The following RASSF3 variants were observed in gnomAD, a reference collection of about 807,000 sequenced individuals.
RASSF3 encodes ras association domain-containing protein 3.
In RASSF3, 19 loss-of-function variants were observed where a neutral mutation model predicts 19.9. The ratio of observed to expected loss-of-function variants is 0.96; its 90% CI spans 0.67 to 1.40. RASSF3 has a LOEUF of 1.40. Among genes scored for constraint, RASSF3 ranks in the 40% most tolerant of loss-of-function variants. The probability of loss-of-function intolerance (pLI) is 0.00; values close to 1 mark genes in which losing one functional copy is unlikely to be tolerated. For missense variants in RASSF3, 306 were observed against 289.8 expected (o/e 1.06, Z -0.41); for synonymous variants, 110 against 104.2 (o/e 1.06, Z -0.34).
At chr12:64,623,365 C>CT (rs1292466575) in intron 1 of RASSF3, among the ~76,000 whole-genome samples, 1 of 152,136 alleles carries the variant, frequency 6.6e-6, no homozygotes, top group East Asian at 1.9e-4. Context: ...CAGAGGAACT[C>CT]TGAGATGAGA....
chr12:64,524,005 C>T lies in RASSF3; in HGVS notation c.169+16676C>T, dbSNP rs1868531692. Among the ~76,000 whole-genome samples the T allele has an allele frequency of 2.0e-5, 3 of 150,932 alleles. No homozygotes were observed. The South Asian group carries it at 6.2e-4, about 31-fold the overall frequency. On this transcript the variant is annotated intron_variant, in intron 1 of 5. Transcript: ENST00000637125. ...GAAGCTGGTGGTAGAGAGAAGGCTC[C>T]CAAATCCCACCCAGACTGCCATCAC... is the stretch of plus-strand genomic sequence containing the variant.
At chr12:64,641,414 A>ACG (rs138010191) in intron 1 of RASSF3, among the ~76,000 whole-genome samples, 26 of 142,190 alleles carry the variant, frequency 1.8e-4, no homozygotes, top group African/African-American at 2.5e-4. Context: ...ACACACACAC[A>ACG]CGCGCGCGCG....
At chr12:64,621,363 A>C (rs953897666) in intron 1 of RASSF3, among the ~76,000 whole-genome samples, 4 of 152,210 alleles carry the variant, frequency 2.6e-5, no homozygotes, top group Non-Finnish European at 5.9e-5. Flanking sequence ...TTGAGAGAGC[A>C]CTGCTTGAGT....
chr12:64,650,903 G>A (rs959846985), intron 1 of RASSF3, among the ~76,000 whole-genome samples: 3 of 152,154 alleles, frequency 2.0e-5, no homozygotes, highest in Non-Finnish European at 4.4e-5. Context: ...GTCACACTTT[G>A]CTATAAACTT....
At chr12:64,622,903 C>T (rs917540118) in intron 1 of RASSF3, among the ~76,000 whole-genome samples, 3 of 151,802 alleles carry the variant, frequency 2.0e-5, no homozygotes, top group Admixed American at 6.6e-5. Context: ...TCACTGCAAC[C>T]TCCATCTCCT....
intron 2 of RASSF3, among the ~76,000 whole-genome samples, chr12:64,551,605 C>T (rs7963295): frequency 0.015 from 2,292 of 152,220 alleles, 53 homozygotes; most frequent in African/African-American, 0.053. Flanking sequence ...TAAATGTAAT[C>T]ATGTCTACTA....
chr12:64,616,080 A>C (rs767348461), intron 1 of RASSF3, among the ~76,000 whole-genome samples: 7 of 152,336 alleles, frequency 4.6e-5, no homozygotes, highest in Non-Finnish European at 8.8e-5. Context: ...TCTTTTCTGC[A>C]TGTCTGATAT....
chr12:64,547,533 T>C (rs1869088140), intron 2 of RASSF3, among the ~76,000 whole-genome samples: 2 of 151,694 alleles, frequency 1.3e-5, no homozygotes, highest in Admixed American at 6.6e-5. Flanking sequence ...TGTCACTGCA[T>C]TCCAGCCTGG....
At chr12:64,660,003 CGTGTATATATATGTGTGTGTGTGTAT>C (rs1300244138) in intron 1 of RASSF3, among the ~76,000 whole-genome samples, 25 of 84,298 alleles carry the variant, frequency 3.0e-4, no homozygotes, top group African/African-American at 1.2e-3. Context: ...TATATGTGTG[CGTGTATATATATGTGTGTGTGTGTAT>C]GTGTATATAT....
intron 2 of RASSF3, among the ~76,000 whole-genome samples, chr12:64,575,380 C>T (rs913021063): frequency 1.3e-5 from 2 of 152,092 alleles, no homozygotes; most frequent in African/African-American, 4.8e-5. Flanking sequence ...AGTCAAACCC[C>T]GTCTCTACTA....
intron 1 of RASSF3, among the ~76,000 whole-genome samples, chr12:64,527,324 G>GT (rs1281734691): frequency 1.3e-5 from 2 of 152,176 alleles, no homozygotes; most frequent in East Asian, 3.8e-4. Flanking sequence ...CAGTACCCCA[G>GT]TGTCCTCTTC....
chr12:64,522,231 C>T (rs1457528245), intron 1 of RASSF3, among the ~76,000 whole-genome samples: 1 of 151,976 alleles, frequency 6.6e-6, no homozygotes, highest in African/African-American at 2.4e-5. Flanking sequence ...ATTCTCCGGG[C>T]TCAAAACTAT....
At chr12:64,613,722 G>A (rs1034697877) in intron 1 of RASSF3, among the ~76,000 whole-genome samples, 2 of 152,120 alleles carry the variant, frequency 1.3e-5, no homozygotes, top group African/African-American at 2.4e-5. Flanking sequence ...GAGATGGGAG[G>A]ATTGCTTGAG....
chr12:64,566,863 T>C (rs187402819), intron 2 of RASSF3, among the ~76,000 whole-genome samples: 8 of 152,186 alleles, frequency 5.3e-5, no homozygotes, highest in African/African-American at 1.9e-4. Context: ...CCTAAAACTC[T>C]GAGGTGGTGT....
intron 1 of RASSF3, among the ~76,000 whole-genome samples, chr12:64,517,792 T>C (rs946786081): frequency 2.6e-5 from 4 of 151,920 alleles, no homozygotes; most frequent in Admixed American, 2.6e-4. Flanking sequence ...CTAATTTTTG[T>C]ACTTTTTGTA....
chr12:64,648,324 T>A (rs901184935), intron 1 of RASSF3, among the ~76,000 whole-genome samples: 1 of 152,054 alleles, frequency 6.6e-6, no homozygotes, highest in African/African-American at 2.4e-5. Context: ...GAGAGGCTGA[T>A]GGAGAACTTG....
At chr12:64,694,323 G>A (rs968567711) in intron 4 of RASSF3, among the ~76,000 whole-genome samples, 2 of 152,186 alleles carry the variant, frequency 1.3e-5, no homozygotes, top group African/African-American at 4.8e-5. Flanking sequence ...CCAAGGGGCC[G>A]TACCGAGGGA....
At chr12:64,629,976 AAGAAAAAG>A (rs1304901457) in intron 1 of RASSF3, 1 of 147,160 alleles carries the variant, frequency 6.8e-6, no homozygotes, top group Non-Finnish European at 1.5e-5. Context: ...AAAAAAAAAA[AAGAAAAAG>A]AAAAAAAGAA....
At chr12:64,681,243 C>G (rs1873115450) in intron 1 of RASSF3, among the ~76,000 whole-genome samples, 1 of 152,216 alleles carries the variant, frequency 6.6e-6, no homozygotes, top group Admixed American at 6.5e-5. Flanking sequence ...TAGCCATTTC[C>G]TGTGTATTTA....
Sources: allele counts gnomAD v4.1 joint callset (sites outside exome capture counted in the v4.1 genomes callset), GRCh38; gene constraint gnomAD v4.1.1; transcripts MANE v1.5; gene names NCBI Gene and HGNC (gene_info 2026-07-23, HGNC 2026-07-21).